The following DNAAF3 variants were observed in gnomAD, a reference collection of about 807,000 sequenced individuals.
DNAAF3 encodes the protein UPF0470 protein C19orf51.
A neutral mutation model predicts 50.9 loss-of-function variants in DNAAF3; 40 were observed. That is an observed-to-expected ratio of 0.79 (90% CI 0.61 to 1.02). DNAAF3 has a LOEUF of 1.02. Ranked by LOEUF, DNAAF3 falls within the 50% of genes least tolerant of loss-of-function variation. The pLI, the probability that DNAAF3 is intolerant of heterozygous loss-of-function variation, is 0.00. For missense variants in DNAAF3, 763 were observed against 744.7 expected, an observed-to-expected ratio of 1.02 and a Z score of -0.29; for synonymous variants, 327 against 322.8, an observed-to-expected ratio of 1.01 and a Z score of -0.14.
Position 55,161,098 on chromosome 19 carries a change from G to A in DNAAF3, c.879C>T (p.Ser293=). 1.3e-6 allele frequency: 2 copies of A among 1,543,816 alleles called. No individual in the cohort carries two copies. ...GCTGGCCGTTGCTCGTCCGCAGGAG[G>A]CTCTCGTCGTCCGCTTCGATGCCGA... ...VAFGIEADDE[S]LLRTSNGQPV... is the part of the protein sequence containing the mutation. Residue 293 remains serine (S), a synonymous_variant, in exon 8 of 12, where the codon AGC becomes AGT. Coordinates refer to ENST00000524407, the MANE Select transcript of DNAAF3 (RefSeq NM_001256715.2). The surrounding 1 kb of genome is among the most constrained non-coding windows in gnomAD (Gnocchi z 6.4).
At position 55,158,901 on chromosome 19, in the gene DNAAF3, GAA is replaced by G. The variant is rs1254696244; in HGVS notation, c.*159_*160del. 1 of 720,294 alleles carries G rather than the reference GAA, an allele frequency of 1.4e-6. No homozygotes were observed. Among genetic ancestry groups the G allele is most frequent in the Non-Finnish European group, 2.2e-6 (1 of 461,008 alleles). 44.6% of individuals were successfully genotyped at this position (720,294 alleles called of 1,614,324 possible). A position where few individuals can be genotyped will look rare whatever the true frequency, so the allele number is the denominator to read the frequency against. ...CCATAGAATCTCAGAAATGGAATTT[GAA>G]AGTCTACCAACACTCCCGGGGTGGG... On this transcript the variant is annotated 3_prime_UTR_variant, in exon 12 of 12. Coordinates refer to ENST00000524407, the MANE Select transcript of DNAAF3 (RefSeq NM_001256715.2).
At position 55,159,124 on chromosome 19, in the gene DNAAF3, C is replaced by G. The variant is rs771447785; in HGVS notation, c.1564G>C (p.Ala522Pro). ...GGAGCCAAGGCCCCCTGAGGCTGAG[C>G]CAGAACCTCTGAGAGTGAACCTGGA... ...ESPGSLSEVL[A>P]QPQGALAPPN... The change falls in exon 12 of 12, where the codon GCT becomes CCT. Residue 522 changes from alanine to proline, a missense_variant. Coordinates refer to ENST00000524407, the MANE Select transcript of DNAAF3 (RefSeq NM_001256715.2). 6.2e-7 allele frequency: 1 copy of G among 1,613,224 alleles called. No homozygotes were observed. The highest frequency in any genetic ancestry group is 8.5e-7 in the Non-Finnish European group (1 of 1,179,834).
At chr19:55,164,120 G>T (rs550441652) in intron 4 of DNAAF3, among the ~76,000 whole-genome samples, 17 of 152,266 alleles carry the variant, frequency 1.1e-4, no homozygotes, top group African/African-American at 3.4e-4. Flanking sequence ...TGTCATGATT[G>T]TAAGTTTCCT....
rs387907151 is a variant in DNAAF3 at position 55,165,904 on chromosome 19, A to G, written c.182T>C (p.Leu61Pro). Residue 61 changes from leucine to proline, a missense_variant, in exon 3 of 12, where the codon CTG (leucine) becomes CCG (proline). By Grantham distance (98) the Leu-to-Pro change is moderately conservative (BLOSUM62 -3). Coordinates refer to ENST00000524407, the MANE Select transcript of DNAAF3 (RefSeq NM_001256715.2). The stretch of plus-strand genomic sequence containing the variant: ...GAACTTCGCTCGGGACAGGGTCCGC[A>G]GCAGGTGCCGTCCATCCACAGAGCC... The part of the protein sequence containing the change: ...LLGSVDGRHL[L>P]RTLSRAKFWP... 6.2e-7 allele frequency: 1 copy of G among 1,614,208 alleles called. No individual in the cohort carries two copies. Among genetic ancestry groups the G allele is most frequent in the Non-Finnish European group, 8.5e-7 (1 of 1,180,042 alleles).
In DNAAF3 at chr19:55,159,145, C is replaced by T. The variant is rs760590357; in HGVS notation, c.1543G>A (p.Gly515Ser). Reference protein sequence around the residue: ...EPCQLPSESPGSLSEVLAQPQ... With the variant: ...EPCQLPSESPSSLSEVLAQPQ... The stretch of plus-strand genomic sequence containing the variant: ...TGAGCCAGAACCTCTGAGAGTGAAC[C>T]TGGAGACTCAGAGGGCAGCTGGCAG... Residue 515 changes from glycine (G) to serine (S), a missense_variant, in exon 12 of 12, where the codon GGT (glycine) becomes AGT (serine). Transcript: ENST00000524407. The T allele has an allele frequency of 2.2e-5, 36 of 1,613,598 alleles. No individual in the cohort carries two copies. The highest frequency in any genetic ancestry group is 3.3e-4 in the Middle Eastern group (2 of 6,078).
Position 55,159,577 on chromosome 19 carries a change from C to T in DNAAF3, c.1194G>A (p.Gly398=). ...GMVHLLIPEL[G]ACVAPGGNLI... ...AGTTCCCTCCGGGTGCCACACAGGCCCCAAGCTCAGGGATGAGAAGATGGA... is the reference window on the plus strand; with the variant it reads ...AGTTCCCTCCGGGTGCCACACAGGCTCCAAGCTCAGGGATGAGAAGATGGA... The change falls in exon 11 of 12, where the codon GGG becomes GGA. Residue 398 remains glycine (G), a synonymous_variant. Transcript: ENST00000524407. 3.1e-6 allele frequency: 5 copies of T among 1,609,088 alleles called. No homozygotes were observed. Among genetic ancestry groups the T allele is most frequent in the African/African-American group, 1.3e-5 (1 of 74,928 alleles).
intron 4 of DNAAF3, among the ~76,000 whole-genome samples, chr19:55,163,499 C>T (rs558430262): frequency 3.2e-4 from 48 of 151,504 alleles, no homozygotes; most frequent in Non-Finnish European, 5.9e-4. Flanking sequence ...ACTATGTTGA[C>T]CAGGCCAGTC....
In DNAAF3 at chr19:55,159,059, G is replaced by A. The variant is rs547397454; in HGVS notation, c.*3C>T. On this transcript the variant is annotated 3_prime_UTR_variant, in exon 12 of 12. Coordinates refer to ENST00000524407, the MANE Select transcript of DNAAF3 (RefSeq NM_001256715.2). ...TGGAGATAAGGGGTGTCTAGGGGTT[G>A]GGTCAGACTCCAGTTTTGGAGTCTG... 2.5e-6 allele frequency: 4 copies of A among 1,577,964 alleles called. No individual in the cohort carries two copies. The highest frequency in any genetic ancestry group is 1.2e-5 in the South Asian group (1 of 86,866).
In DNAAF3 at chr19:55,161,832, G is replaced by A; in HGVS notation, c.481-7C>T. 1 of 1,433,472 alleles carries A rather than the reference G, an allele frequency of 7.0e-7. No individual in the cohort carries two copies. Among genetic ancestry groups the A allele is most frequent in the Non-Finnish European group, 9.1e-7 (1 of 1,095,578 alleles). 88.8% of individuals were successfully genotyped at this position (1,433,472 alleles called of 1,614,324 possible). On this transcript the variant is annotated splice_region_variant and splice_polypyrimidine_tract_variant and intron_variant, in intron 5 of 11. Transcript: ENST00000524407. The surrounding 1 kb of genome is among the most constrained non-coding windows in gnomAD (Gnocchi z 6.4). The stretch of plus-strand genomic sequence containing the variant: ...GGGCATCCCGCTCGCGGAACTGCGG[G>A]GCCAGGCACGCGGTGGGACAGAGGA...
chr19:55,159,741 G>A, intron 10 of DNAAF3, 134 bp from the exon 11 acceptor site: 1 of 1,569,666 alleles, frequency 6.4e-7, no homozygotes, highest in Non-Finnish European at 8.6e-7. Flanking sequence ...AAGGGAGCAG[G>A]AGGTCTGGAC....
chr19:55,161,508 G>T lies in DNAAF3; in HGVS notation c.664-90C>A, dbSNP rs2085831415. 4.6e-6 allele frequency: 7 copies of T among 1,508,854 alleles called. No homozygotes were observed. Among genetic ancestry groups the T allele is most frequent in the Non-Finnish European group, 6.2e-6 (7 of 1,131,338 alleles). The allele number at this position is 1,508,854 out of a possible 1,614,324, so 93.5% of individuals were successfully genotyped here. On this transcript the variant is annotated intron_variant, in intron 6 of 11. Transcript: ENST00000524407. This position sits in a 1 kb window ranked among gnomAD's most constrained non-coding sequence, Gnocchi z 6.4. ...GCCTCCCTCAGACCCAGGAGTCCAG[G>T]TCCCCAGGCCCTCCTCCCTCAGACC...
rs1168952513 is a variant in DNAAF3, at chr19:55,160,102, G to A, written c.1049-89C>T. ...AGATACACAGAGCTGGGCAGAGCTG[G>A]GCAGGCACACAGGACTTGGAGATAA... is the stretch of plus-strand genomic sequence containing the variant. On this transcript the variant is annotated intron_variant, in intron 9 of 11. Transcript: ENST00000524407. The surrounding 1 kb of genome is among the most constrained non-coding windows in gnomAD (Gnocchi z 4.7). 3 of 883,952 alleles carry A rather than the reference G, an allele frequency of 3.4e-6. No homozygotes were observed. Among genetic ancestry groups the A allele is most frequent in the Non-Finnish European group, 5.6e-6 (3 of 531,188 alleles). 54.8% of individuals were successfully genotyped at this position (883,952 alleles called of 1,614,324 possible).
rs1255209584 is a variant in DNAAF3 at position 55,161,678 on chromosome 19, C to G, written c.628G>C (p.Asp210His). The G allele has an allele frequency of 1.3e-6, 2 of 1,539,810 alleles. No homozygotes were observed. Among genetic ancestry groups the G allele is most frequent in the South Asian group, 1.2e-5 (1 of 83,904 alleles). Reference protein sequence around the residue: ...SRYDARRGVSDWDLRMKLHDR... With the variant: ...SRYDARRGVSHWDLRMKLHDR... ...TGCAGCTTCATGCGCAGGTCCCAGT[C>G]GCTGACACCGCGCCGGGCGTCGTAG... Residue 210 changes from aspartate (D) to histidine (H), a missense_variant, in exon 6 of 12, where the codon GAC becomes CAC. Asp to His is a moderately conservative substitution (Grantham distance 81). Transcript: ENST00000524407. The surrounding 1 kb of genome is among the most constrained non-coding windows in gnomAD (Gnocchi z 6.4).
Position 55,161,829 on chromosome 19 carries a change from C to CG in DNAAF3, c.481-5dup. 2 of 1,432,284 alleles carry CG rather than the reference C, an allele frequency of 1.4e-6. No individual in the cohort carries two copies. The highest frequency in any genetic ancestry group is 1.8e-6 in the Non-Finnish European group (2 of 1,094,826). The allele number at this position is 1,432,284 out of a possible 1,614,324, so 88.7% of individuals were successfully genotyped here. A position where few individuals can be genotyped will look rare whatever the true frequency, so the allele number is the denominator to read the frequency against. On this transcript the variant is annotated splice_region_variant and splice_polypyrimidine_tract_variant and intron_variant, in intron 5 of 11. Transcript: ENST00000524407. This position sits in a 1 kb window ranked among gnomAD's most constrained non-coding sequence, Gnocchi z 6.4. Reference sequence around the variant, plus strand: ...CCAGGGCATCCCGCTCGCGGAACTGCGGGGCCAGGCACGCGGTGGGACAGA... The same window carrying CG: ...CCAGGGCATCCCGCTCGCGGAACTGCGGGGGCCAGGCACGCGGTGGGACAGA...
intron 4 of DNAAF3, chr19:55,162,844 T>A (rs2085861973): frequency 3.9e-6 from 1 of 258,554 alleles, no homozygotes; most frequent in African/African-American, 2.3e-5. Context: ...CTCACTCTGT[T>A]GCCCAGGCTG....
At position 55,166,279 on chromosome 19, in the gene DNAAF3, T is replaced by G. The variant is rs1418609543; in HGVS notation, c.85+50A>C. 3.1e-6 allele frequency: 5 copies of G among 1,598,144 alleles called. No individual in the cohort carries two copies. The East Asian group carries it at 1.1e-4, about 36-fold the overall frequency. The stretch of plus-strand genomic sequence containing the variant: ...CTACGAGCTCTAAAAGGCCGTCTGC[T>G]CAGGCTGGGAAGGCAGACGGTGTAT... On this transcript the variant is annotated intron_variant, in intron 2 of 11. Coordinates refer to ENST00000524407, the MANE Select transcript of DNAAF3 (RefSeq NM_001256715.2). This position sits in a 1 kb window ranked among gnomAD's most constrained non-coding sequence, Gnocchi z 4.0.
rs2085843872 is a variant in DNAAF3 at position 55,161,917 on chromosome 19, A to G, written c.481-92T>C. ...TTGACCCTCTCTTCCATCCCAGAACAGGGGAACGATTCCCCCGTTTCTCGG... is the reference window on the plus strand; with the variant it reads ...TTGACCCTCTCTTCCATCCCAGAACGGGGGAACGATTCCCCCGTTTCTCGG... On this transcript the variant is annotated intron_variant, in intron 5 of 11. Coordinates refer to ENST00000524407, the MANE Select transcript of DNAAF3 (RefSeq NM_001256715.2). This position sits in a 1 kb window ranked among gnomAD's most constrained non-coding sequence, Gnocchi z 6.4. 1.1e-5 allele frequency: 15 copies of G among 1,327,376 alleles called. No individual in the cohort carries two copies. The South Asian group carries it at 1.7e-4, about 15-fold the overall frequency. The allele number at this position is 1,327,376 out of a possible 1,614,324, so 82.2% of individuals were successfully genotyped here. A position where few individuals can be genotyped will look rare whatever the true frequency, so the allele number is the denominator to read the frequency against.
At position 55,166,394 on chromosome 19, in the gene DNAAF3, G is replaced by A; in HGVS notation, c.20C>T (p.Ser7Phe). 6.2e-7 allele frequency: 1 copy of A among 1,613,844 alleles called. No individual in the cohort carries two copies. The change falls in exon 2 of 12, where the codon TCC becomes TTC. Residue 7 changes from serine to phenylalanine, a missense_variant. Coordinates refer to ENST00000524407, the MANE Select transcript of DNAAF3 (RefSeq NM_001256715.2). This position sits in a 1 kb window ranked among gnomAD's most constrained non-coding sequence, Gnocchi z 4.0. ...GGACACGGAGCCGAAGCCGCTGCCG[G>A]AGCCGGCAGGTGTGGTCATCACCCT... MTTPAG[S>F]GSGFGSVSWW...
In DNAAF3 at chr19:55,160,126, A is replaced by C; in HGVS notation, c.1049-113T>G. ...GGGCAGGCACACAGGACTTGGAGAT[A>C]ACACTTTTTGTCCTCTTGCAGCTTT... On this transcript the variant is annotated intron_variant, in intron 9 of 11. Coordinates refer to ENST00000524407, the MANE Select transcript of DNAAF3 (RefSeq NM_001256715.2). This position sits in a 1 kb window ranked among gnomAD's most constrained non-coding sequence, Gnocchi z 4.7. 4.1e-6 allele frequency: 3 copies of C among 731,782 alleles called. No individual in the cohort carries two copies. The highest frequency in any genetic ancestry group is 7.2e-6 in the Non-Finnish European group (3 of 418,546). 45.3% of individuals were successfully genotyped at this position (731,782 alleles called of 1,614,324 possible). A position where few individuals can be genotyped will look rare whatever the true frequency, so the allele number is the denominator to read the frequency against.
Sources: allele counts gnomAD v4.1 joint callset (sites outside exome capture counted in the v4.1 genomes callset), GRCh38; gene constraint gnomAD v4.1.1; non-coding constraint Gnocchi (gnomAD v3.1); transcripts MANE v1.5; gene names NCBI Gene and HGNC (gene_info 2026-07-23, HGNC 2026-07-21).